The following NFATC2 variants were observed in gnomAD, a reference collection of about 807,000 sequenced individuals.
NFATC2 encodes nuclear factor of activated T-cells, cytoplasmic 2.
Under a neutral mutation model 87.3 loss-of-function variants are expected in NFATC2, and 22 were observed. The ratio of observed to expected loss-of-function variants is 0.25; its 90% CI spans 0.18 to 0.36. The LOEUF is 0.36. Ranked by LOEUF, NFATC2 falls within the 10% of genes least tolerant of loss-of-function variation. The pLI, the probability that NFATC2 is intolerant of heterozygous loss-of-function variation, is 1.00. For missense variants in NFATC2, 1,149 were observed against 1,259.1 expected, an observed-to-expected ratio of 0.91 and a Z score of 1.32; for synonymous variants, 565 against 542.2, an observed-to-expected ratio of 1.04 and a Z score of -0.58.
chr20:51,492,742 G>C (rs2075916437), intron 3 of NFATC2, among the ~76,000 whole-genome samples: 1 of 152,200 alleles, frequency 6.6e-6, no homozygotes, highest in African/African-American at 2.4e-5. Context: ...AGAGGTTTAA[G>C]GCTCACGCCA....
intron 3 of NFATC2, among the ~76,000 whole-genome samples, chr20:51,481,024 G>T (rs1357889453): frequency 6.6e-5 from 10 of 152,134 alleles, no homozygotes; most frequent in Non-Finnish European, 1.0e-4. Context: ...GGAAAGAGGG[G>T]CCAGGTGAAG....
At chr20:51,543,494 G>A (rs939104996), upstream of NFATC2, among the ~76,000 whole-genome samples, 2 of 152,210 alleles carry the variant, frequency 1.3e-5, no homozygotes, top group Non-Finnish European at 2.9e-5. Context: ...GATTGATGAG[G>A]CGATCTTGGG....
intron 9 of NFATC2, among the ~76,000 whole-genome samples, chr20:51,403,344 C>T (rs1235897211): frequency 6.6e-6 from 1 of 152,186 alleles, no homozygotes; most frequent in African/African-American, 2.4e-5. Flanking sequence ...GCACGTACTG[C>T]TATCATCTCA....
rs751031284 is a variant in NFATC2, at chr20:51,432,169, C to T, written c.2620G>A (p.Ala874Thr). 1.6e-5 allele frequency: 25 copies of T among 1,605,296 alleles called. No homozygotes were observed. The highest frequency in any genetic ancestry group is 1.0e-4 in the Admixed American group (6 of 59,464). Residue 874 changes from alanine to threonine, a missense_variant, in exon 9 of 11, where the codon GCC (alanine) becomes ACC (threonine). By Grantham distance (58) the Ala-to-Thr change is moderately conservative. Transcript: ENST00000371564. The surrounding 1 kb of genome is among the most constrained non-coding windows in gnomAD (Gnocchi z 4.6). ...CTGACCGGGGGTCCGTTTTTGGCGGCTCTTTGGCTCGTGGCATTCTGCTGC... is the reference window on the plus strand; with the variant it reads ...CTGACCGGGGGTCCGTTTTTGGCGGTTCTTTGGCTCGTGGCATTCTGCTGC... ...IQQQNATSQR[A>T]AKNGPPVSDQ...
chr20:51,482,886 T>C (rs1015790818), intron 3 of NFATC2, among the ~76,000 whole-genome samples: 1 of 152,222 alleles, frequency 6.6e-6, no homozygotes, highest in African/African-American at 2.4e-5. Context: ...TGTCATTGAA[T>C]CTTGCTTTAT....
chr20:51,453,697 C>A (rs963894167), intron 6 of NFATC2, among the ~76,000 whole-genome samples: 1 of 152,114 alleles, frequency 6.6e-6, no homozygotes, highest in Non-Finnish European at 1.5e-5. Context: ...AAACATTATG[C>A]GTCTCAGAGC....
At chr20:51,534,855 A>G (rs1488179140) in intron 1 of NFATC2, among the ~76,000 whole-genome samples, 1 of 152,200 alleles carries the variant, frequency 6.6e-6, no homozygotes, top group Non-Finnish European at 1.5e-5. Flanking sequence ...TGTCCCATAA[A>G]TAAAATCATA....
At chr20:51,465,403 A>C (rs906372218) in intron 5 of NFATC2, among the ~76,000 whole-genome samples, 1 of 152,056 alleles carries the variant, frequency 6.6e-6, no homozygotes, top group Non-Finnish European at 1.5e-5. Flanking sequence ...TATAGAAATC[A>C]CATCATGTCA....
intron 5 of NFATC2, among the ~76,000 whole-genome samples, chr20:51,469,119 T>C (rs1446715154): frequency 6.6e-6 from 1 of 151,660 alleles, no homozygotes; most frequent in African/African-American, 2.4e-5. Context: ...ACCTCCTGGG[T>C]CCAAGCAATC....
chr20:51,556,437 C>A (rs187739049), intron 1 of NFATC2, among the ~76,000 whole-genome samples: 2 of 152,118 alleles, frequency 1.3e-5, no homozygotes, highest in African/African-American at 4.8e-5. Context: ...TGGTCCTTGA[C>A]GGCATCTGAA....
At chr20:51,441,048 C>T (rs985191279) in intron 6 of NFATC2, among the ~76,000 whole-genome samples, 10 of 152,080 alleles carry the variant, frequency 6.6e-5, no homozygotes, top group Non-Finnish European at 1.5e-4. Flanking sequence ...TTTGGGAGGC[C>T]GAGGCGAGTG....
intron 3 of NFATC2, among the ~76,000 whole-genome samples, chr20:51,509,826 C>A (rs1023843355): frequency 3.3e-5 from 5 of 152,230 alleles, no homozygotes; most frequent in African/African-American, 1.2e-4. Flanking sequence ...GTCCCATAAT[C>A]CATTTTATGA....
chr20:51,391,472 G>GC (rs368615400), intron 10 of NFATC2, 21 bp from the exon 11 acceptor site: 114 of 1,586,946 alleles, frequency 7.2e-5, no homozygotes, highest in African/African-American at 1.1e-4. Flanking sequence ...AAAGAGGAGG[G>GC]GGGGGGAGAG....
chr20:51,522,215 A>G (rs897771202), intron 2 of NFATC2, among the ~76,000 whole-genome samples: 1 of 141,840 alleles, frequency 7.1e-6, no homozygotes, highest in Non-Finnish European at 1.5e-5. Flanking sequence ...AAAAAACACA[A>G]GGTAGGTTCT....
At chr20:51,451,687 C>A (rs543856249) in intron 6 of NFATC2, among the ~76,000 whole-genome samples, 1 of 152,240 alleles carries the variant, frequency 6.6e-6, no homozygotes, top group Admixed American at 6.5e-5. Context: ...GCATTACCGC[C>A]TGAGCGCTGC....
At chr20:51,423,699 T>C (rs1289446593) in intron 9 of NFATC2, among the ~76,000 whole-genome samples, 1 of 152,232 alleles carries the variant, frequency 6.6e-6, no homozygotes, top group East Asian at 1.9e-4. Context: ...TTCCAGCAGA[T>C]GACTGGGAGC....
At chr20:51,562,806 G>T (rs1466926089), upstream of NFATC2, 1 of 565,814 alleles carries the variant, frequency 1.8e-6, no homozygotes, top group African/African-American at 1.9e-5. This position sits in a 1 kb window ranked among gnomAD's most constrained non-coding sequence, Gnocchi z 5.8. Context: ...GAGTCGGCGC[G>T]GCTCCGCGAT....
chr20:51,435,900 T>C lies in NFATC2; in HGVS notation c.1850-139A>G, dbSNP rs1983495613. 6.0e-6 allele frequency: 4 copies of C among 664,758 alleles called. No individual in the cohort carries two copies. In the Admixed American group the frequency reaches 7.7e-5, roughly 13 times the overall value. The allele number at this position is 664,758 out of a possible 1,614,324, so 41.2% of individuals were successfully genotyped here. ...AGGTGTGTGTCAATATGTGCACGTG[T>C]GTGTACATATGTATTTATACATATA... On this transcript the variant is annotated intron_variant, in intron 6 of 10. Coordinates refer to ENST00000371564, the MANE Select transcript of NFATC2 (RefSeq NM_012340.5).
intron 5 of NFATC2, among the ~76,000 whole-genome samples, chr20:51,457,068 A>G (rs1986619289): frequency 6.6e-6 from 1 of 152,188 alleles, no homozygotes; most frequent in Non-Finnish European, 1.5e-5. Context: ...ATAGATTACA[A>G]AGACCTCTCC....
Sources: gnomAD v4.1 joint callset for allele counts (sites outside exome capture counted in the v4.1 genomes callset) on GRCh38, gnomAD v4.1.1 for gene constraint, Gnocchi (gnomAD v3.1) non-coding constraint, MANE v1.5 for transcripts, NCBI Gene and HGNC (gene_info 2026-07-23, HGNC 2026-07-21) for gene names.